Variants in CHIC1 observed in about 807,000 individuals in gnomAD.
CHIC1 encodes the protein cysteine-rich hydrophobic domain-containing protein 1.
CHIC1 carries 7 observed loss-of-function variants against 18.5 expected under a neutral mutation model. That is an observed-to-expected ratio of 0.38 (90% CI 0.22 to 0.71). The LOEUF (loss-of-function observed/expected upper bound fraction) is 0.71. Among genes scored for constraint, CHIC1 ranks in the 30% least tolerant of loss-of-function variants. The pLI, the probability that CHIC1 is intolerant of heterozygous loss-of-function variation, is 0.49. For missense variants in CHIC1, 159 were observed against 176.9 expected, an observed-to-expected ratio of 0.90 and a Z score of 0.57; for synonymous variants, 77 against 73.5, an observed-to-expected ratio of 1.05 and a Z score of -0.25.
At chrX:73,656,622 C>T (rs192326345) in intron 3 of CHIC1, among the ~76,000 whole-genome samples, 15 of 111,599 alleles carry the variant, frequency 1.3e-4, no homozygotes, top group African/African-American at 4.9e-4. Flanking sequence ...GGTGTGCAGT[C>T]TTAGTTCTGG....
intron 2 of CHIC1, among the ~76,000 whole-genome samples, chrX:73,583,124 TATAA>T (rs1173606824): frequency 9.0e-6 from 1 of 111,440 alleles, no homozygotes; most frequent in Non-Finnish European, 1.9e-5. Context: ...TTTTGAGCCT[TATAA>T]TTTCACAACT....
chrX:73,677,825 G>A (rs1317453045), intron 3 of CHIC1, among the ~76,000 whole-genome samples: 2 of 112,136 alleles, frequency 1.8e-5, no homozygotes, highest in African/African-American at 3.2e-5. Flanking sequence ...CGTCTTCTGC[G>A]TCGCTCACAC....
intron 3 of CHIC1, among the ~76,000 whole-genome samples, chrX:73,645,990 A>G (rs1032326142): frequency 9.0e-6 from 1 of 111,333 alleles, no homozygotes; most frequent in African/African-American, 3.3e-5. Context: ...TTTTTACCCT[A>G]TGTTTTCTTC....
intron 3 of CHIC1, among the ~76,000 whole-genome samples, chrX:73,659,377 T>C (rs2057968200): frequency 1.0e-5 from 1 of 97,070 alleles, no homozygotes; most frequent in African/African-American, 3.8e-5. Flanking sequence ...TTTCTTTTTT[T>C]TTTTTTTTTT....
chrX:73,627,517 A>C (rs190883122), intron 3 of CHIC1, among the ~76,000 whole-genome samples: 1 of 112,530 alleles, frequency 8.9e-6, no homozygotes, highest in Non-Finnish European at 1.9e-5. Flanking sequence ...CACTGAAACC[A>C]TAAGACGCAG....
intron 3 of CHIC1, among the ~76,000 whole-genome samples, chrX:73,644,840 G>C: frequency 9.0e-6 from 1 of 111,269 alleles, no homozygotes; most frequent in Non-Finnish European, 1.9e-5. Flanking sequence ...TATTAGGGTG[G>C]GAGTGACCCA....
intron 1 of CHIC1, among the ~76,000 whole-genome samples, chrX:73,566,136 C>A (rs1378570049): frequency 1.8e-5 from 2 of 110,111 alleles, no homozygotes; most frequent in African/African-American, 6.6e-5. Flanking sequence ...ATTATATCAT[C>A]ATAGTTTCTG....
intron 1 of CHIC1, among the ~76,000 whole-genome samples, chrX:73,571,705 A>G (rs2057471486): frequency 9.0e-6 from 1 of 111,389 alleles, no homozygotes; most frequent in African/African-American, 3.2e-5. Context: ...TTAATGAAGG[A>G]TTTTTTTAAA....
At chrX:73,675,283 C>T (rs905408299) in intron 3 of CHIC1, among the ~76,000 whole-genome samples, 3 of 111,094 alleles carry the variant, frequency 2.7e-5, no homozygotes, top group Admixed American at 1.9e-4. Context: ...TCCTGGGTAT[C>T]GTTGTTAACT....
intron 3 of CHIC1, among the ~76,000 whole-genome samples, chrX:73,624,490 C>T (rs747164324): frequency 2.7e-5 from 3 of 112,276 alleles, no homozygotes; most frequent in Non-Finnish European, 5.6e-5. Context: ...CCAGGTGAAA[C>T]TAATAAGCCT....
rs1326920261 is a variant in CHIC1 at position 73,682,426 on chromosome X, A to T, written c.*1421A>T. ...TTATTTGTAATTCATAGTGCTAAAA[A>T]TAAAAGTGTCTAGGGCTCAGTAATA... is the stretch of plus-strand genomic sequence containing the variant. On this transcript the variant is annotated 3_prime_UTR_variant, in exon 6 of 6. Coordinates refer to ENST00000373502, the MANE Select transcript of CHIC1 (RefSeq NM_001039840.4). The T allele has an allele frequency of 9.0e-6, 1 of 111,487 alleles. No homozygotes were observed. The highest frequency in any genetic ancestry group is 1.9e-5 in the Non-Finnish European group (1 of 52,801). The allele number at this position is 111,487 out of a possible 1,213,427, so 9.2% of individuals were successfully genotyped here.
Position 73,602,365 on chromosome X carries a change from G to GT in CHIC1, c.507+17801dup, listed in dbSNP as rs1486838482. Among the ~76,000 whole-genome samples the GT allele has an allele frequency of 6.1e-3, 659 of 107,909 alleles. 4 individuals carry two copies. Among genetic ancestry groups the GT allele is most frequent in the Non-Finnish European group, 9.9e-3 (523 of 52,734 alleles). The allele number at this position is 107,909 out of a possible 115,157, so 93.7% of individuals were successfully genotyped here. A position where few individuals can be genotyped will look rare whatever the true frequency, so the allele number is the denominator to read the frequency against. ...CCTTCACCCACTTTTTGAGGGGCTTGTTTTTTTTCTTGTAAATTTGTTTAA... is the reference window on the plus strand; with the variant it reads ...CCTTCACCCACTTTTTGAGGGGCTTGTTTTTTTTTCTTGTAAATTTGTTTAA... On this transcript the variant is annotated intron_variant, in intron 3 of 5. Coordinates refer to ENST00000373502, the MANE Select transcript of CHIC1 (RefSeq NM_001039840.4).
chrX:73,646,599 A>G (rs2057890607), intron 3 of CHIC1, among the ~76,000 whole-genome samples: 3 of 112,033 alleles, frequency 2.7e-5, no homozygotes, highest in South Asian at 7.4e-4. Flanking sequence ...GCTATTGTAA[A>G]TGGAATTGCT....
chrX:73,651,409 T>C (rs2057915686), intron 3 of CHIC1, among the ~76,000 whole-genome samples: 1 of 110,850 alleles, frequency 9.0e-6, no homozygotes, highest in Admixed American at 9.7e-5. Flanking sequence ...AAATAAACGA[T>C]ATTCAAATAG....
chrX:73,658,266 T>TTG (rs2057961459), intron 3 of CHIC1, among the ~76,000 whole-genome samples: 1 of 89,533 alleles, frequency 1.1e-5, no homozygotes, highest in Admixed American at 1.3e-4. Context: ...TTTTTTTTTT[T>TTG]TTTTTTTTTT....
At chrX:73,578,654 A>G (rs1422723717) in intron 2 of CHIC1, 2 of 110,185 alleles carry the variant, frequency 1.8e-5, no homozygotes, top group Non-Finnish European at 3.8e-5. Flanking sequence ...TTTAGTATGT[A>G]TAATAAATTG....
chrX:73,616,106 G>A (rs1207155436), intron 3 of CHIC1, among the ~76,000 whole-genome samples: 1 of 110,758 alleles, frequency 9.0e-6, no homozygotes, highest in Non-Finnish European at 1.9e-5. Flanking sequence ...AGGCAGTATA[G>A]TAGGGGCTGG....
chrX:73,655,323 C>T (rs1355753645), intron 3 of CHIC1, among the ~76,000 whole-genome samples: 2 of 103,133 alleles, frequency 1.9e-5, no homozygotes, highest in Admixed American at 1.1e-4. Context: ...TATATACACA[C>T]ACACTATATA....
At chrX:73,620,982 C>T (rs1161462235) in intron 3 of CHIC1, among the ~76,000 whole-genome samples, 1 of 111,741 alleles carries the variant, frequency 8.9e-6, no homozygotes, top group African/African-American at 3.3e-5. Context: ...CTTATTTTTT[C>T]AGGTTTGTCA....
Sources: allele counts gnomAD v4.1 joint callset (sites outside exome capture counted in the v4.1 genomes callset), GRCh38; gene constraint gnomAD v4.1.1; transcripts MANE v1.5; gene names NCBI Gene and HGNC (gene_info 2026-07-23, HGNC 2026-07-21).